The following RASGRP3 variants were observed in gnomAD, a reference collection of about 807,000 sequenced individuals.
The protein encoded by RASGRP3 is RAS guanyl releasing protein 3, also known as ras guanyl-releasing protein 3.
Under a neutral mutation model 82.7 loss-of-function variants are expected in RASGRP3, and 54 were observed. The ratio of observed to expected loss-of-function variants is 0.65; its 90% CI spans 0.52 to 0.82. RASGRP3 has a LOEUF of 0.82. Ranked by LOEUF, RASGRP3 falls within the 40% of genes least tolerant of loss-of-function variation. RASGRP3 has a pLI of 0.00. For missense variants in RASGRP3, 861 were observed against 828.9 expected, an observed-to-expected ratio of 1.04 and a Z score of -0.48; for synonymous variants, 309 against 300.5, an observed-to-expected ratio of 1.03 and a Z score of -0.29.
chr2:33,514,015 T>G (rs1336906044), intron 2 of RASGRP3: 1 of 152,186 alleles, frequency 6.6e-6, no homozygotes, highest in East Asian at 1.9e-4. Flanking sequence ...ATTGCATGGT[T>G]TTGGGTAAGT....
intron 2 of RASGRP3, among the ~76,000 whole-genome samples, chr2:33,465,851 C>T (rs1387456518): frequency 6.6e-6 from 1 of 151,884 alleles, no homozygotes; most frequent in Non-Finnish European, 1.5e-5. Context: ...CCTTAAGAAT[C>T]ATGCTAAATC....
intron 2 of RASGRP3, among the ~76,000 whole-genome samples, chr2:33,468,827 C>T (rs1343428344): frequency 2.0e-5 from 3 of 152,120 alleles, no homozygotes; most frequent in African/African-American, 7.2e-5. Flanking sequence ...CGTGAAATAT[C>T]CTTATACATA....
At chr2:33,537,933 G>A (rs116351027) in intron 11 of RASGRP3, among the ~76,000 whole-genome samples, 1,764 of 152,306 alleles carry the variant, frequency 0.012, 35 homozygotes, top group African/African-American at 0.039. Flanking sequence ...GAGGGCCAGA[G>A]AGACCTAATG....
chr2:33,548,704 T>C (rs907970792), intron 13 of RASGRP3, among the ~76,000 whole-genome samples: 1 of 151,980 alleles, frequency 6.6e-6, no homozygotes, highest in Non-Finnish European at 1.5e-5. Context: ...ATCCAATTAT[T>C]ATTATTATTA....
At chr2:33,477,251 A>T (rs1036854716) in intron 1 of RASGRP3, among the ~76,000 whole-genome samples, 1 of 152,242 alleles carries the variant, frequency 6.6e-6, no homozygotes, top group African/African-American at 2.4e-5. Flanking sequence ...TAGAAGACTG[A>T]CAAAATAATA....
intron 1 of RASGRP3, chr2:33,436,619 TG>T (rs1664938048): frequency 6.6e-6 from 1 of 152,242 alleles, no homozygotes; most frequent in Non-Finnish European, 1.5e-5. Flanking sequence ...ATCTGTCTGT[TG>T]TTGCGTCTTA....
At chr2:33,534,127 C>T in intron 10 of RASGRP3, 196 bp from the exon 11 acceptor site, 1 of 572,402 alleles carries the variant, frequency 1.7e-6, no homozygotes, top group Non-Finnish European at 3.1e-6. Context: ...CTCGTCAATA[C>T]TGATGATTAA....
At chr2:33,470,255 A>G (rs1435142711) in intron 2 of RASGRP3, among the ~76,000 whole-genome samples, 1 of 152,178 alleles carries the variant, frequency 6.6e-6, no homozygotes, top group Non-Finnish European at 1.5e-5. Flanking sequence ...TTTCCAATAC[A>G]GAAATGTATC....
intron 1 of RASGRP3, among the ~76,000 whole-genome samples, chr2:33,493,392 A>G (rs1669028280): frequency 6.6e-6 from 1 of 152,206 alleles, no homozygotes; most frequent in African/African-American, 2.4e-5. Flanking sequence ...CAGAGTCCCT[A>G]GTGGTGCTGT....
intron 12 of RASGRP3, among the ~76,000 whole-genome samples, 197 bp from the exon 13 acceptor site, chr2:33,543,315 C>T (rs1427708228): frequency 1.3e-5 from 2 of 152,218 alleles, no homozygotes; most frequent in Admixed American, 6.5e-5. Flanking sequence ...GCCACCACAT[C>T]CAACCATTAC....
At chr2:33,533,275 T>A (rs1673275223) in intron 10 of RASGRP3, 1 of 152,182 alleles carries the variant, frequency 6.6e-6, no homozygotes, top group African/African-American at 2.4e-5. Flanking sequence ...TGTGTTGTTG[T>A]CCTTGCCTAC....
At position 33,547,342 on chromosome 2, in the gene RASGRP3, C is replaced by CTTTTTTTTTTTTTTTTTT. The variant is rs59601670; in HGVS notation, c.1395-2250_1395-2233dup. Among the ~76,000 whole-genome samples the CTTTTTTTTTTTTTTTTTT allele has an allele frequency of 2.2e-4, 15 of 68,208 alleles. 2 individuals carry two copies. Among genetic ancestry groups the CTTTTTTTTTTTTTTTTTT allele is most frequent in the Non-Finnish European group, 3.6e-4 (14 of 39,016 alleles). 44.7% of individuals were successfully genotyped at this position (68,208 alleles called of 152,430 possible). ...CCCGCAAGCTTGAGAATATAGAATC[C>CTTTTTTTTTTTTTTTTTT]TTTTTTTTTTTTTTTTTTTTTTTTT... On this transcript the variant is annotated intron_variant, in intron 13 of 17. Coordinates refer to ENST00000403687, the MANE Select transcript of RASGRP3 (RefSeq NM_001139488.2).
At chr2:33,451,150 C>T (rs374365196) in intron 2 of RASGRP3, among the ~76,000 whole-genome samples, 7 of 152,054 alleles carry the variant, frequency 4.6e-5, no homozygotes, top group African/African-American at 1.7e-4. Context: ...AGGTGTGAGC[C>T]ACCGTGCCCA....
At chr2:33,534,464 G>A (rs1286665836) in intron 11 of RASGRP3, 64 bp downstream of exon 11, 13 of 1,059,874 alleles carry the variant, frequency 1.2e-5, no homozygotes, top group Non-Finnish European at 1.8e-5. Context: ...TACAGTAATT[G>A]GCTATTACAA....
chr2:33,496,194 A>G (rs1175794548), intron 1 of RASGRP3, among the ~76,000 whole-genome samples: 4 of 152,364 alleles, frequency 2.6e-5, no homozygotes, highest in East Asian at 1.9e-4. Context: ...ACAAAGATTC[A>G]TGGTTCATTA....
At chr2:33,553,254 A>T (rs1443860785) in intron 14 of RASGRP3, among the ~76,000 whole-genome samples, 1 of 152,148 alleles carries the variant, frequency 6.6e-6, no homozygotes, top group Non-Finnish European at 1.5e-5. Flanking sequence ...CAAGTGACAC[A>T]TTCTTCTTTC....
In RASGRP3 at chr2:33,549,733, C is replaced by T. The variant is rs761479290; in HGVS notation, c.1524C>T (p.Cys508=). The change falls in exon 14 of 18, where the codon TGC becomes TGT. Residue 508 remains cysteine (C), a synonymous_variant. Transcript: ENST00000403687. ...TGACCTATCTCAAGCCAACCTTCTG[C>T]GAACACTGTGCGGGATTTGTAAGTC... ...QEMTYLKPTF[C]EHCAGFLWGI... The T allele has an allele frequency of 6.8e-6, 11 of 1,613,702 alleles. No homozygotes were observed. Among genetic ancestry groups the T allele is most frequent in the East Asian group, 2.2e-5 (1 of 44,900 alleles).
chr2:33,449,280 A>T (rs1284234746), intron 2 of RASGRP3, among the ~76,000 whole-genome samples: 3 of 152,242 alleles, frequency 2.0e-5, no homozygotes, highest in Non-Finnish European at 4.4e-5. Context: ...GTTACCTTGC[A>T]TATATATGCA....
chr2:33,503,010 G>A (rs1273793315), intron 1 of RASGRP3, among the ~76,000 whole-genome samples: 2 of 152,096 alleles, frequency 1.3e-5, no homozygotes, highest in Non-Finnish European at 2.9e-5. Flanking sequence ...AAATTCTTAA[G>A]AACTCCCAAA....
Sources: gnomAD v4.1 joint callset for allele counts (sites outside exome capture counted in the v4.1 genomes callset) on GRCh38, gnomAD v4.1.1 for gene constraint, MANE v1.5 for transcripts, NCBI Gene and HGNC (gene_info 2026-07-23, HGNC 2026-07-21) for gene names.